PUM1: variants seen among roughly 807,000 people sequenced by gnomAD.
The protein encoded by PUM1 is pumilio RNA binding family member 1.
A neutral mutation model predicts 131.8 loss-of-function variants in PUM1; 13 were observed. That is an observed-to-expected ratio of 0.10 (90% CI 0.06 to 0.16). The LOEUF is 0.16. Ranked by LOEUF, PUM1 falls within the 10% of genes least tolerant of loss-of-function variation. PUM1 has a pLI of 1.00. For synonymous variants in PUM1, 509 were observed against 556.5 expected, an observed-to-expected ratio of 0.91 and a Z score of 1.20; for missense variants, 961 against 1,512.4, an observed-to-expected ratio of 0.64 and a Z score of 6.05.
intron 2 of PUM1, among the ~76,000 whole-genome samples, chr1:31,040,526 TA>T (rs1161949002): frequency 6.6e-6 from 1 of 152,048 alleles, no homozygotes; most frequent in Admixed American, 6.6e-5. Flanking sequence ...GCACAAACTA[TA>T]AAAATAGGAT....
At chr1:31,060,259 A>G (rs1384689578) in intron 1 of PUM1, among the ~76,000 whole-genome samples, 3 of 150,866 alleles carry the variant, frequency 2.0e-5, no homozygotes, top group Non-Finnish European at 4.4e-5. Context: ...TCAGGAGTTC[A>G]AGACCAGCCT....
At chr1:30,959,628 C>T (rs908505031) in intron 14 of PUM1, among the ~76,000 whole-genome samples, 32 of 152,052 alleles carry the variant, frequency 2.1e-4, no homozygotes, top group Admixed American at 1.3e-4. Context: ...GAAAAAATGG[C>T]CGGGCGAGAT....
chr1:30,948,628 G>A (rs879264616), intron 17 of PUM1, among the ~76,000 whole-genome samples: 5 of 152,126 alleles, frequency 3.3e-5, no homozygotes, highest in Non-Finnish European at 7.3e-5. Context: ...GCGTATGCCT[G>A]TAGTTCCAGC....
chr1:31,008,588 A>T (rs1011695598), intron 3 of PUM1, among the ~76,000 whole-genome samples: 16 of 152,032 alleles, frequency 1.1e-4, no homozygotes, highest in Non-Finnish European at 2.9e-5. Flanking sequence ...GGAAGCACTA[A>T]ACTGGACAAC....
In PUM1 at chr1:30,949,952, C is replaced by T. The variant is rs2275740; in HGVS notation, c.2856+175G>A. Reference sequence around the variant, plus strand: ...CAGGTTTTAATACAAGATACTTGATCTGCAACAAGTTTAAATTATTTGCAC... The same window carrying T: ...CAGGTTTTAATACAAGATACTTGATTTGCAACAAGTTTAAATTATTTGCAC... On this transcript the variant is annotated intron_variant, in intron 17 of 21. Coordinates refer to ENST00000426105, the MANE Select transcript of PUM1 (RefSeq NM_001020658.2). Among the ~76,000 whole-genome samples the T allele has an allele frequency of 0.2, 29,823 of 152,116 alleles. 3,353 individuals carry two copies. Among genetic ancestry groups the T allele is most frequent in the East Asian group, 0.53 (2,763 of 5,180 alleles).
In PUM1 at chr1:30,967,294, A is replaced by G. The variant is rs535495968; in HGVS notation, c.1662T>C (p.Ala554=). ...CAGTTTGGTCATAGTAAGCAGCAGG[A>G]GCCAACACCGGATAACCTAGGAATA... The part of the protein sequence containing the change: ...AAGMPGYPVL[A]PAAYYDQTGA... Residue 554 remains alanine (A), a synonymous_variant, in exon 12 of 22, where the codon GCT becomes GCC. Coordinates refer to ENST00000426105, the MANE Select transcript of PUM1 (RefSeq NM_001020658.2). The G allele has an allele frequency of 6.2e-7, 1 of 1,613,844 alleles. No homozygotes were observed. The highest frequency in any genetic ancestry group is 8.5e-7 in the Non-Finnish European group (1 of 1,179,726).
At chr1:30,994,121 T>G (rs1391696672) in intron 6 of PUM1, among the ~76,000 whole-genome samples, 1 of 152,130 alleles carries the variant, frequency 6.6e-6, no homozygotes, top group Admixed American at 6.5e-5. Context: ...ACTGTAATTA[T>G]TTACACATGC....
chr1:31,059,382 G>C lies in PUM1; in HGVS notation c.185C>G (p.Ser62Cys), dbSNP rs200827919. ...TCCTATAGATCCTGGGACAGGGCTGGAGTGAGTCCCAGCTGCAAGAGCCTG... is the reference window on the plus strand; with the variant it reads ...TCCTATAGATCCTGGGACAGGGCTGCAGTGAGTCCCAGCTGCAAGAGCCTG... ...ANQALAAGTHSSPVPGSIGVA... is the reference protein window; with the variant it reads ...ANQALAAGTHCSPVPGSIGVA... Residue 62 changes from serine to cysteine, a missense_variant, in exon 2 of 22, where the codon TCC becomes TGC. Physicochemically the swap from Ser to Cys is moderately radical, Grantham distance 112 (BLOSUM62 -1). This residue lies in a region of PUM1 where 654 missense variants were observed against 923.9 expected (regional missense o/e 0.71). Transcript: ENST00000426105. 6.2e-7 allele frequency: 1 copy of C among 1,614,070 alleles called. No individual in the cohort carries two copies.
rs149428653 is a variant in PUM1 at position 31,017,877 on chromosome 1, C to G, written c.433-10775G>C. Among the ~76,000 whole-genome samples the G allele has an allele frequency of 6.6e-5, 10 of 152,210 alleles. No individual in the cohort carries two copies. In the East Asian group the frequency reaches 1.9e-3, roughly 29 times the overall value. On this transcript the variant is annotated intron_variant, in intron 3 of 21. Coordinates refer to ENST00000426105, the MANE Select transcript of PUM1 (RefSeq NM_001020658.2). ...ATTTATCTTTAAAAGATTGATCTGA[C>G]AGTCCTCCATAAAATGGGGTGAAGG...
At chr1:31,002,072 C>T (rs963027961) in intron 5 of PUM1, among the ~76,000 whole-genome samples, 1 of 152,098 alleles carries the variant, frequency 6.6e-6, no homozygotes, top group Non-Finnish European at 1.5e-5. Flanking sequence ...TGCTACACAG[C>T]CGTATGAATT....
At chr1:31,034,314 G>C (rs145237928) in intron 2 of PUM1, among the ~76,000 whole-genome samples, 127 of 152,280 alleles carry the variant, frequency 8.3e-4, no homozygotes, top group Middle Eastern at 6.8e-3. Flanking sequence ...GAGTATCACT[G>C]AGTTGGGGAG....
At chr1:31,000,119 CG>C (rs1279564077) in intron 5 of PUM1, among the ~76,000 whole-genome samples, 3 of 152,112 alleles carry the variant, frequency 2.0e-5, no homozygotes, top group African/African-American at 4.8e-5. Context: ...TCAAATAGCT[CG>C]GGTAAGTATC....
intron 7 of PUM1, among the ~76,000 whole-genome samples, chr1:30,985,496 T>C (rs532017960): frequency 2.0e-5 from 3 of 151,796 alleles, no homozygotes; most frequent in African/African-American, 7.2e-5. Context: ...CTAATAAAAA[T>C]ACAAAATTAG....
chr1:30,956,077 A>G (rs1334808804), intron 14 of PUM1, among the ~76,000 whole-genome samples: 1 of 152,208 alleles, frequency 6.6e-6, no homozygotes. Flanking sequence ...TCTTGACTCC[A>G]GGGTCAAGGC....
At chr1:30,983,107 G>C (rs1012619135) in intron 7 of PUM1, among the ~76,000 whole-genome samples, 6 of 152,148 alleles carry the variant, frequency 3.9e-5, no homozygotes, top group Non-Finnish European at 7.4e-5. Context: ...AAGACTATTT[G>C]GTAACAGTGT....
chr1:30,972,693 G>C (rs1332419227), intron 10 of PUM1, among the ~76,000 whole-genome samples: 1 of 151,230 alleles, frequency 6.6e-6, no homozygotes, highest in Non-Finnish European at 1.5e-5. Context: ...AGAATCACTT[G>C]AACCCAGGAG....
rs998719840 is a variant in PUM1, at chr1:31,002,008, G to A, written c.720+3845C>T. Among the ~76,000 whole-genome samples the A allele has an allele frequency of 9.9e-4, 150 of 152,164 alleles. 1 individual carries two copies. The highest frequency in any genetic ancestry group is 3.3e-4 in the Admixed American group (5 of 15,276). On this transcript the variant is annotated intron_variant, in intron 5 of 21. Transcript: ENST00000426105. The stretch of plus-strand genomic sequence containing the variant: ...GCTCCCAGGTGATGCTAATGCTGTC[G>A]GCCCACTGACTTTGGTAGTAAGACT...
intron 2 of PUM1, among the ~76,000 whole-genome samples, chr1:31,037,438 A>G (rs1330803088): frequency 7.9e-5 from 12 of 152,198 alleles, no homozygotes; most frequent in Non-Finnish European, 1.5e-5. Context: ...AACATAATGA[A>G]TTTAGGCTGG....
chr1:31,007,233 AACTAC>A, intron 3 of PUM1, 131 bp from the exon 4 acceptor site: 1 of 669,600 alleles, frequency 1.5e-6, no homozygotes. Flanking sequence ...AAAGTGTTCC[AACTAC>A]ACAACTGTGG....
Sources: gnomAD v4.1 joint callset for allele counts (sites outside exome capture counted in the v4.1 genomes callset) on GRCh38, gnomAD v4.1.1 for gene constraint, gnomAD v4.1.1 regional missense constraint, MANE v1.5 for transcripts, NCBI Gene and HGNC (gene_info 2026-07-23, HGNC 2026-07-21) for gene names.